Variants in TGFBR1 observed in about 807,000 individuals in gnomAD.
TGFBR1 encodes the protein TGF-beta receptor type-1.
TGFBR1 carries 20 observed loss-of-function variants against 55.1 expected under a neutral mutation model. The ratio of observed to expected loss-of-function variants is 0.36; its 90% CI spans 0.26 to 0.53. The LOEUF is 0.53. Ranked by LOEUF, TGFBR1 falls within the 20% of genes least tolerant of loss-of-function variation. The pLI is 0.91. For synonymous variants in TGFBR1, 220 were observed against 214.8 expected (o/e 1.02, Z -0.21); for missense variants, 385 against 617.6 (o/e 0.62, Z 3.99).
At chr9:99,109,310 T>G (rs1353251060) in intron 1 of TGFBR1, among the ~76,000 whole-genome samples, 2 of 152,190 alleles carry the variant, frequency 1.3e-5, no homozygotes, top group Non-Finnish European at 2.9e-5. Flanking sequence ...TGGAAGATGG[T>G]CTTGAGTAAG....
intron 1 of TGFBR1, among the ~76,000 whole-genome samples, chr9:99,121,238 T>C (rs565008198): frequency 4.7e-4 from 72 of 152,310 alleles, no homozygotes; most frequent in Middle Eastern, 3.4e-3. Context: ...GTGTTCTCTA[T>C]TTTGACAAGC....
chr9:99,113,597 G>A (rs1826647844), intron 1 of TGFBR1, among the ~76,000 whole-genome samples: 2 of 152,150 alleles, frequency 1.3e-5, no homozygotes, highest in South Asian at 4.1e-4. Flanking sequence ...TTCAAAAGAG[G>A]ATAGTTCCTA....
At chr9:99,109,657 G>A (rs1257484117) in intron 1 of TGFBR1, among the ~76,000 whole-genome samples, 2 of 152,172 alleles carry the variant, frequency 1.3e-5, no homozygotes, top group Non-Finnish European at 2.9e-5. Context: ...AGAGCCCCTT[G>A]CAAATGTCGA....
intron 7 of TGFBR1, 99 bp downstream of exon 7, chr9:99,146,708 A>T (rs1827808711): frequency 3.2e-6 from 5 of 1,565,270 alleles, no homozygotes; most frequent in African/African-American, 1.4e-5. Context: ...ACAGTCCATT[A>T]TCTGAAACAG....
chr9:99,105,047 G>A, upstream of TGFBR1: 1 of 496,850 alleles, frequency 2.0e-6, no homozygotes, highest in Non-Finnish European at 2.7e-6. Context: ...GGGGCCGGCG[G>A]GAGCCCGGCA....
At chr9:99,110,922 C>T (rs1330282924) in intron 1 of TGFBR1, among the ~76,000 whole-genome samples, 7 of 152,308 alleles carry the variant, frequency 4.6e-5, no homozygotes, top group East Asian at 3.9e-4. Flanking sequence ...GGGTCACGTA[C>T]GTCCATGCTC....
Position 99,151,110 on chromosome 9 carries a change from T to C in TGFBR1, c.*1805T>C, listed in dbSNP as rs1827968756. On this transcript the variant is annotated 3_prime_UTR_variant, in exon 9 of 9. Coordinates refer to ENST00000374994, the MANE Select transcript of TGFBR1 (RefSeq NM_004612.4). ...AATGTCTTATCTCTTATACGTAGAATAAATTTGAAAGACTATTTGATCTTA... is the reference window on the plus strand; with the variant it reads ...AATGTCTTATCTCTTATACGTAGAACAAATTTGAAAGACTATTTGATCTTA... 4.4e-6 allele frequency: 1 copy of C among 228,524 alleles called. No individual in the cohort carries two copies. The highest frequency in any genetic ancestry group is 2.2e-5 in the African/African-American group (1 of 45,112). The allele number at this position is 228,524 out of a possible 1,614,324, so 14.2% of individuals were successfully genotyped here.
chr9:99,135,227 T>C (rs1827395725), intron 3 of TGFBR1, among the ~76,000 whole-genome samples: 1 of 152,166 alleles, frequency 6.6e-6, no homozygotes, highest in Non-Finnish European at 1.5e-5. Flanking sequence ...TCATAGTTCA[T>C]TGTGTACTGA....
rs545087114 is a variant in TGFBR1 at position 99,136,281 on chromosome 9, A to G, written c.575-1578A>G. On this transcript the variant is annotated intron_variant, in intron 3 of 8. Transcript: ENST00000374994. ...GAATCCAGTGATAAAGGGGAAGACA[A>G]AACCTTTCCTCGTCCTGTTGGCCTT... Among the ~76,000 whole-genome samples the G allele has an allele frequency of 1.5e-4, 23 of 152,338 alleles. No homozygotes were observed. In the South Asian group the frequency reaches 4.6e-3, roughly 30 times the overall value.
chr9:99,105,077 C>T (rs1315255232), upstream of TGFBR1: 4 of 694,042 alleles, frequency 5.8e-6, no homozygotes, highest in Non-Finnish European at 7.3e-6. Flanking sequence ...CGCGCGTCCT[C>T]CGAGCAGTTA....
intron 1 of TGFBR1, among the ~76,000 whole-genome samples, chr9:99,115,506 A>C (rs545898846): frequency 4.7e-4 from 72 of 152,364 alleles, no homozygotes; most frequent in African/African-American, 1.4e-3. Context: ...GATATTTGGG[A>C]GCACTGAACA....
intron 3 of TGFBR1, among the ~76,000 whole-genome samples, chr9:99,137,358 A>G (rs952599497): frequency 6.6e-6 from 1 of 152,230 alleles, no homozygotes; most frequent in African/African-American, 2.4e-5. Context: ...GCTTCCAGCC[A>G]TGGCCCTTTT....
At chr9:99,147,610 C>G in intron 7 of TGFBR1, 44 bp from the exon 8 acceptor site, 1 of 1,583,188 alleles carries the variant, frequency 6.3e-7, no homozygotes, top group African/African-American at 1.3e-5. Flanking sequence ...TTGGCATTAG[C>G]TGAATAAATT....
Position 99,134,802 on chromosome 9 carries a change from T to TTATA in TGFBR1, c.574+2111_574+2114dup, listed in dbSNP as rs10625219. ...AAACAATGGAATAATTCTGTTTCCA[T>TTATA]TATATATATATATATATATATATAT... On this transcript the variant is annotated intron_variant, in intron 3 of 8. Coordinates refer to ENST00000374994, the MANE Select transcript of TGFBR1 (RefSeq NM_004612.4). Among the ~76,000 whole-genome samples, 314 of 41,166 alleles carry TTATA rather than the reference T, an allele frequency of 7.6e-3. 5 individuals carry two copies. Among genetic ancestry groups the TTATA allele is most frequent in the African/African-American group, 9.8e-3 (82 of 8,372 alleles). 27.0% of individuals were successfully genotyped at this position (41,166 alleles called of 152,430 possible).
chr9:99,107,277 T>G (rs913200208), intron 1 of TGFBR1, among the ~76,000 whole-genome samples: 5 of 152,216 alleles, frequency 3.3e-5, no homozygotes, highest in Non-Finnish European at 7.3e-5. Flanking sequence ...TCAAATGCTT[T>G]TTATTTCCTC....
At chr9:99,121,039 A>G (rs1826882522) in intron 1 of TGFBR1, among the ~76,000 whole-genome samples, 1 of 152,222 alleles carries the variant, frequency 6.6e-6, no homozygotes, top group Non-Finnish European at 1.5e-5. Context: ...AGAGCTTGTG[A>G]ATTTGGGAGT....
In TGFBR1 at chr9:99,144,787, G is replaced by A; in HGVS notation, c.1029G>A (p.Lys343=). Residue 343 remains lysine, a synonymous_variant, in exon 6 of 9, where the codon AAG becomes AAA. Transcript: ENST00000374994. The stretch of plus-strand genomic sequence containing the variant: ...AATCAAAGAATATCTTGGTAAAGAA[G>A]AATGGAACTTGCTGTATTGCAGACT... ...DLKSKNILVK[K]NGTCCIADLG... 1.9e-6 allele frequency: 3 copies of A among 1,614,012 alleles called. No homozygotes were observed. Among genetic ancestry groups the A allele is most frequent in the Non-Finnish European group, 2.5e-6 (3 of 1,179,942 alleles).
intron 1 of TGFBR1, among the ~76,000 whole-genome samples, chr9:99,116,786 T>C (rs1056209866): frequency 2.0e-5 from 3 of 152,186 alleles, no homozygotes; most frequent in Non-Finnish European, 4.4e-5. Context: ...CTGAAAACTT[T>C]ATTAGCTTGG....
At chr9:99,123,817 C>T (rs574854758) in intron 1 of TGFBR1, among the ~76,000 whole-genome samples, 3 of 152,182 alleles carry the variant, frequency 2.0e-5, no homozygotes, top group South Asian at 4.1e-4. Flanking sequence ...TGGTGGCCTA[C>T]GAATAAAAAC....
Sources: allele counts gnomAD v4.1 joint callset (sites outside exome capture counted in the v4.1 genomes callset), GRCh38; gene constraint gnomAD v4.1.1; transcripts MANE v1.5; gene names NCBI Gene and HGNC (gene_info 2026-07-23, HGNC 2026-07-21).